KCNQ2: variants seen among roughly 807,000 people sequenced by gnomAD.
The protein encoded by KCNQ2 is potassium voltage-gated channel subfamily KQT member 2.
In KCNQ2, 14 loss-of-function variants were observed where a neutral mutation model predicts 84.8. The ratio of observed to expected loss-of-function variants is 0.17; its 90% CI spans 0.11 to 0.26. KCNQ2 has a LOEUF of 0.26. Among genes scored for constraint, KCNQ2 ranks in the 10% least tolerant of loss-of-function variants. KCNQ2 has a pLI of 1.00. For missense variants in KCNQ2, 788 were observed against 1,254.0 expected (o/e 0.63, Z 5.61); for synonymous variants, 599 against 554.1 (o/e 1.08, Z -1.14).
chr20:63,421,036 C>T (rs2080456458), intron 11 of KCNQ2, among the ~76,000 whole-genome samples: 1 of 152,080 alleles, frequency 6.6e-6, no homozygotes, highest in Non-Finnish European at 1.5e-5. Flanking sequence ...AGACTCCCAC[C>T]AGCACCACCC....
chr20:63,451,106 C>A (rs2081601320), intron 1 of KCNQ2, among the ~76,000 whole-genome samples: 1 of 151,024 alleles, frequency 6.6e-6, no homozygotes, highest in African/African-American at 2.4e-5. Flanking sequence ...CCACTGCACT[C>A]CAGCCTAGGC....
At chr20:63,456,407 G>T (rs970326750) in intron 1 of KCNQ2, among the ~76,000 whole-genome samples, 25 of 152,290 alleles carry the variant, frequency 1.6e-4, no homozygotes, top group Middle Eastern at 3.4e-3. Context: ...CCTCCAGTCA[G>T]GCCCCTTCCC....
In KCNQ2 at chr20:63,415,035, G is replaced by A. The variant is rs756622558; in HGVS notation, c.1393C>T (p.Arg465Trp). The A allele has an allele frequency of 4.4e-6, 7 of 1,609,182 alleles. No homozygotes were observed. The highest frequency in any genetic ancestry group is 2.2e-5 in the East Asian group (1 of 44,862). The change falls in exon 13 of 17, where the codon CGG becomes TGG. Residue 465 changes from arginine to tryptophan, a missense_variant. Coordinates refer to ENST00000359125, the MANE Select transcript of KCNQ2 (RefSeq NM_172107.4). ...AGGCTCTGGTCGGCGCTGGGTGACCGCCTCACAGTCTGGGCCTGCGGGGAC... is the reference window on the plus strand; with the variant it reads ...AGGCTCTGGTCGGCGCTGGGTGACCACCTCACAGTCTGGGCCTGCGGGGAC... ...KGSPQAQTVRRSPSADQSLED... is the reference protein window; with the variant it reads ...KGSPQAQTVRWSPSADQSLED...
chr20:63,443,191 C>T (rs200248583), intron 4 of KCNQ2, among the ~76,000 whole-genome samples: 16,480 of 104,036 alleles, frequency 0.16, 1,861 homozygotes, highest in Non-Finnish European at 0.22. Flanking sequence ...ACCATCACCA[C>T]CACCACCACC....
intron 4 of KCNQ2, 116 bp from the exon 5 acceptor site, chr20:63,442,647 CCAT>C (rs1379050756): frequency 5.6e-5 from 45 of 807,258 alleles, no homozygotes; most frequent in South Asian, 2.1e-4. Flanking sequence ...ACCACCAAAA[CCAT>C]CACCACCACC....
At chr20:63,435,318 G>A (rs551571243) in intron 7 of KCNQ2, among the ~76,000 whole-genome samples, 1 of 151,586 alleles carries the variant, frequency 6.6e-6, no homozygotes, top group East Asian at 1.9e-4. Flanking sequence ...AACCTGGCAG[G>A]TCGAGGCTGC....
chr20:63,420,035 C>A (rs2080418832), intron 11 of KCNQ2, among the ~76,000 whole-genome samples: 1 of 152,248 alleles, frequency 6.6e-6, no homozygotes, highest in East Asian at 1.9e-4. Context: ...TTGGGAAGGA[C>A]GTGACCCCGG....
intron 12 of KCNQ2, among the ~76,000 whole-genome samples, chr20:63,418,141 C>A (rs1381536107): frequency 6.6e-6 from 1 of 152,232 alleles, no homozygotes; most frequent in Non-Finnish European, 1.5e-5. Flanking sequence ...CCTGCCTCAG[C>A]TGCCAGGAGC....
At chr20:63,431,280 T>G (rs1225841857) in intron 9 of KCNQ2, 60 bp downstream of exon 9, 2 of 1,601,020 alleles carry the variant, frequency 1.2e-6, no homozygotes, top group Non-Finnish European at 1.7e-6. Context: ...CCGGTCACAG[T>G]TCCAGACACA....
intron 1 of KCNQ2, among the ~76,000 whole-genome samples, chr20:63,450,001 A>C (rs933338617): frequency 6.6e-6 from 1 of 151,838 alleles, no homozygotes; most frequent in Non-Finnish European, 1.5e-5. Flanking sequence ...CACCCAGCAC[A>C]CAACCCTGCG....
At chr20:63,469,806 C>T (rs976297211) in intron 1 of KCNQ2, among the ~76,000 whole-genome samples, 3 of 152,234 alleles carry the variant, frequency 2.0e-5, no homozygotes, top group Admixed American at 6.5e-5. Context: ...CAGTCCATGC[C>T]GGGCCAGAGG....
At chr20:63,443,007 T>TCAC in intron 4 of KCNQ2, among the ~76,000 whole-genome samples, 1 of 26,592 alleles carries the variant, frequency 3.8e-5, no homozygotes, top group Non-Finnish European at 7.0e-5. Flanking sequence ...ATCACCACCA[T>TCAC]CACCATCACC....
intron 15 of KCNQ2, chr20:63,411,963 C>T (rs548179716): frequency 4.7e-5 from 32 of 678,940 alleles, no homozygotes; most frequent in African/African-American, 2.0e-4. Context: ...CAGGAACTGG[C>T]GGAAACGGAA....
Position 63,446,865 on chromosome 20 carries a change from A to C in KCNQ2, c.297-28T>G. On this transcript the variant is annotated intron_variant, in intron 1 of 16. Coordinates refer to ENST00000359125, the MANE Select transcript of KCNQ2 (RefSeq NM_172107.4). This position sits in a 1 kb window ranked among gnomAD's most constrained non-coding sequence, Gnocchi z 5.5. ...GGGGGCAGGGAACGCGCGCTCTCAGACAGGCCGCAGCAGGGCAGCAGCATG... is the reference window on the plus strand; with the variant it reads ...GGGGGCAGGGAACGCGCGCTCTCAGCCAGGCCGCAGCAGGGCAGCAGCATG... The C allele has an allele frequency of 6.3e-7, 1 of 1,591,694 alleles. No individual in the cohort carries two copies. Among genetic ancestry groups the C allele is most frequent in the Non-Finnish European group, 8.6e-7 (1 of 1,160,332 alleles).
At chr20:63,468,980 G>C (rs1437731905) in intron 1 of KCNQ2, among the ~76,000 whole-genome samples, 2 of 152,232 alleles carry the variant, frequency 1.3e-5, no homozygotes, top group African/African-American at 4.8e-5. Context: ...CTGTAACTAA[G>C]CGGTAACTGA....
At chr20:63,443,011 C>T in intron 4 of KCNQ2, among the ~76,000 whole-genome samples, 3 of 114,874 alleles carry the variant, frequency 2.6e-5, no homozygotes, top group African/African-American at 3.4e-5. Context: ...CCACCATCAC[C>T]ATCACCACCA....
chr20:63,436,772 TAAC>T (rs1219967158), intron 7 of KCNQ2, among the ~76,000 whole-genome samples: 2 of 134,918 alleles, frequency 1.5e-5, no homozygotes, highest in Admixed American at 8.1e-5. Flanking sequence ...GGTATAAACA[TAAC>T]TTTTTTTTTT....
intron 1 of KCNQ2, among the ~76,000 whole-genome samples, chr20:63,467,961 A>C (rs2082120882): frequency 6.6e-6 from 1 of 152,220 alleles, no homozygotes; most frequent in Admixed American, 6.5e-5. Context: ...AATGGTCAGG[A>C]GGAGAGTTTC....
Position 63,466,960 on chromosome 20 carries a change from A to G in KCNQ2, c.296+5208T>C, listed in dbSNP as rs900120643. On this transcript the variant is annotated intron_variant, in intron 1 of 16. Coordinates refer to ENST00000359125, the MANE Select transcript of KCNQ2 (RefSeq NM_172107.4). Reference sequence around the variant, plus strand: ...AGTTAAGACAGCCCCCCGTGAGGTAACACGCTTGGGCTCTGTCTGTGATGA... The same window carrying G: ...AGTTAAGACAGCCCCCCGTGAGGTAGCACGCTTGGGCTCTGTCTGTGATGA... Among the ~76,000 whole-genome samples the G allele has an allele frequency of 2.0e-5, 3 of 152,242 alleles. No homozygotes were observed. The East Asian group carries it at 5.8e-4, about 29-fold the overall frequency.
Sources: allele counts gnomAD v4.1 joint callset (sites outside exome capture counted in the v4.1 genomes callset), GRCh38; gene constraint gnomAD v4.1.1; non-coding constraint Gnocchi (gnomAD v3.1); transcripts MANE v1.5; gene names NCBI Gene and HGNC (gene_info 2026-07-23, HGNC 2026-07-21).